NKAIN3: variants seen among roughly 807,000 people sequenced by gnomAD.
NKAIN3 encodes the protein sodium/potassium transporting ATPase interacting 3, also known as sodium/potassium-transporting ATPase subunit beta-1-interacting protein 3.
In NKAIN3, 25 loss-of-function variants were observed where a neutral mutation model predicts 30.2. The observed-to-expected ratio is 0.83, with a 90% CI of 0.60 to 1.16. NKAIN3 has a LOEUF of 1.16. NKAIN3 is among the 50% of genes most tolerant of loss of function. The pLI is 0.00. For missense variants in NKAIN3, 225 were observed against 254.1 expected (o/e 0.89, Z 0.78); for synonymous variants, 91 against 89.6 (o/e 1.02, Z -0.09).
chr8:62,500,744 G>T (rs916712998), intron 1 of NKAIN3, among the ~76,000 whole-genome samples: 25 of 152,178 alleles, frequency 1.6e-4, no homozygotes, highest in Non-Finnish European at 3.5e-4. Flanking sequence ...GAGGGAGGTT[G>T]TCATGGAGAA....
intron 4 of NKAIN3, among the ~76,000 whole-genome samples, chr8:62,915,108 C>T (rs954749855): frequency 1.3e-5 from 2 of 152,142 alleles, no homozygotes; most frequent in African/African-American, 4.8e-5. Flanking sequence ...TCTCCATCTC[C>T]ACTGTGGCCT....
At chr8:62,838,495 C>T (rs923688065) in intron 4 of NKAIN3, among the ~76,000 whole-genome samples, 4 of 151,892 alleles carry the variant, frequency 2.6e-5, no homozygotes, top group African/African-American at 9.7e-5. Flanking sequence ...GCTAGAATAA[C>T]TCTCAAATTA....
rs1159056236 is a variant in NKAIN3 at position 62,982,225 on chromosome 8, T to C, written c.*16818T>C. The C allele has an allele frequency of 2.0e-5, 3 of 152,184 alleles. No homozygotes were observed. Among genetic ancestry groups the C allele is most frequent in the Non-Finnish European group, 4.4e-5 (3 of 68,022 alleles). The allele number at this position is 152,184 out of a possible 1,614,324, so 9.4% of individuals were successfully genotyped here. A position where few individuals can be genotyped will look rare whatever the true frequency, so the allele number is the denominator to read the frequency against. ...TAGTATAAATTAAGAACAGGTACCA[T>C]TTTCTCCAGATACTTCCCCTTCATC... On this transcript the variant is annotated 3_prime_UTR_variant, in exon 7 of 7. Coordinates refer to ENST00000623646, the MANE Select transcript of NKAIN3 (RefSeq NM_001304533.3).
At chr8:62,771,900 T>G (rs1817026049) in intron 4 of NKAIN3, among the ~76,000 whole-genome samples, 1 of 152,212 alleles carries the variant, frequency 6.6e-6, no homozygotes, top group African/African-American at 2.4e-5. Flanking sequence ...TTATCCTTTC[T>G]TTGTGTTACA....
intron 3 of NKAIN3, among the ~76,000 whole-genome samples, chr8:62,711,543 G>A (rs1035347417): frequency 9.9e-5 from 15 of 151,994 alleles, no homozygotes; most frequent in African/African-American, 3.6e-4. Flanking sequence ...AGACTTTCCA[G>A]AGCATTTTGC....
At chr8:62,929,600 A>G (rs909816512) in intron 5 of NKAIN3, among the ~76,000 whole-genome samples, 13 of 152,202 alleles carry the variant, frequency 8.5e-5, no homozygotes, top group African/African-American at 3.1e-4. Flanking sequence ...TTTCTCTATG[A>G]CTTTGTACAT....
At position 62,312,255 on chromosome 8, in the gene NKAIN3, T is replaced by G. The variant is rs1442442050; in HGVS notation, c.54+63128T>G. On this transcript the variant is annotated intron_variant, in intron 1 of 6. Transcript: ENST00000623646. ...TATGTAGCAGTTTTATTTTAAAATG[T>G]AATTAATTAGAGAACAATGGAAATA... is the stretch of plus-strand genomic sequence containing the variant. 2.0e-5 allele frequency among the ~76,000 whole-genome samples: 3 copies of G among 150,772 alleles called. 1 individual carries two copies. The highest frequency in any genetic ancestry group is 7.5e-5 in the African/African-American group (3 of 40,070).
chr8:62,411,122 C>A (rs1433040717), intron 1 of NKAIN3, among the ~76,000 whole-genome samples: 2 of 152,156 alleles, frequency 1.3e-5, no homozygotes, highest in African/African-American at 2.4e-5. Flanking sequence ...GCCAATATCC[C>A]TGGTGAACAT....
chr8:62,628,023 G>T (rs575177981), intron 3 of NKAIN3, among the ~76,000 whole-genome samples: 2 of 152,228 alleles, frequency 1.3e-5, no homozygotes, highest in East Asian at 3.9e-4. Context: ...CAGCCACCCA[G>T]ATCTGTCAAG....
At chr8:62,797,498 A>C (rs1017017738) in intron 4 of NKAIN3, among the ~76,000 whole-genome samples, 1 of 152,158 alleles carries the variant, frequency 6.6e-6, no homozygotes, top group Non-Finnish European at 1.5e-5. Context: ...GTGCCCTTCC[A>C]TTGTTTACCT....
intron 1 of NKAIN3, among the ~76,000 whole-genome samples, chr8:62,481,065 A>G (rs1052580701): frequency 1.3e-5 from 2 of 152,174 alleles, no homozygotes; most frequent in Non-Finnish European, 2.9e-5. Context: ...CATATTTATA[A>G]TCATCATTTC....
chr8:62,870,655 C>A (rs28638109), intron 4 of NKAIN3, among the ~76,000 whole-genome samples: 105,366 of 131,350 alleles, frequency 0.8, 42,875 homozygotes, highest in African/African-American at 0.88. Flanking sequence ...ATATCTATAT[C>A]TAGATATATA....
intron 1 of NKAIN3, among the ~76,000 whole-genome samples, chr8:62,309,807 A>G (rs1241114852): frequency 6.6e-6 from 1 of 150,596 alleles, no homozygotes; most frequent in Non-Finnish European, 1.5e-5. Flanking sequence ...ATGATAGCTT[A>G]TAGTGAAACT....
chr8:62,603,450 C>T (rs1371086090), intron 3 of NKAIN3, among the ~76,000 whole-genome samples: 1 of 152,118 alleles, frequency 6.6e-6, no homozygotes, highest in Non-Finnish European at 1.5e-5. Context: ...ATAACAATTA[C>T]TCAATGCTAC....
intron 5 of NKAIN3, among the ~76,000 whole-genome samples, chr8:62,929,776 C>T (rs894076326): frequency 2.0e-5 from 3 of 152,204 alleles, no homozygotes; most frequent in Non-Finnish European, 4.4e-5. Flanking sequence ...GGGCCACATG[C>T]AGCCCAGGGT....
At chr8:62,771,643 A>T (rs1388761465) in intron 4 of NKAIN3, among the ~76,000 whole-genome samples, 2 of 150,226 alleles carry the variant, frequency 1.3e-5, no homozygotes, top group Non-Finnish European at 3.0e-5. Context: ...TATCACATGT[A>T]TAAAAAAAAA....
At chr8:62,579,750 C>T (rs978695911) in intron 2 of NKAIN3, 74 bp downstream of exon 2, 4 of 851,326 alleles carry the variant, frequency 4.7e-6, no homozygotes, top group Non-Finnish European at 6.5e-6. Flanking sequence ...TAAAATATTT[C>T]TAAGTGGCCC....
chr8:62,941,640 A>G (rs953490843), intron 5 of NKAIN3, among the ~76,000 whole-genome samples: 1 of 152,210 alleles, frequency 6.6e-6, no homozygotes, highest in Non-Finnish European at 1.5e-5. Flanking sequence ...CCACATAAAC[A>G]GAGTTAATTA....
intron 3 of NKAIN3, among the ~76,000 whole-genome samples, chr8:62,718,195 A>T (rs973433601): frequency 2.0e-5 from 3 of 152,212 alleles, no homozygotes; most frequent in Admixed American, 6.5e-5. Context: ...ACACGTGGGA[A>T]TTCTGGGAGA....
Sources: allele counts gnomAD v4.1 joint callset (sites outside exome capture counted in the v4.1 genomes callset), GRCh38; gene constraint gnomAD v4.1.1; transcripts MANE v1.5; gene names NCBI Gene and HGNC (gene_info 2026-07-23, HGNC 2026-07-21).